RBM6: variants seen among roughly 807,000 people sequenced by gnomAD.
RBM6 encodes RNA binding motif protein 6.
A neutral mutation model predicts 140.4 loss-of-function variants in RBM6; 23 were observed. The observed-to-expected ratio is 0.16, with a 90% confidence interval of 0.12 to 0.23. RBM6 has a LOEUF of 0.23. Among genes scored for constraint, RBM6 ranks in the 10% least tolerant of loss-of-function variants. The probability of loss-of-function intolerance (pLI) is 1.00; values close to 1 mark genes in which losing one functional copy is unlikely to be tolerated. For synonymous variants in RBM6, 439 were observed against 475.6 expected (o/e 0.92, Z 1.00); for missense variants, 1,139 against 1,386.7 (o/e 0.82, Z 2.84).
chr3:50,021,740 CTTTTTTTTTTTTTTTTTT>C (rs542734328), intron 6 of RBM6, among the ~76,000 whole-genome samples: 1 of 42,732 alleles, frequency 2.3e-5, no homozygotes, highest in Non-Finnish European at 4.1e-5. Flanking sequence ...AATTTAAGTG[CTTTTTTTTTTTTTTTTTT>C]TTTTTTTTTT....
intron 6 of RBM6, among the ~76,000 whole-genome samples, chr3:50,045,897 G>A (rs1166968974): frequency 6.6e-6 from 1 of 152,150 alleles, no homozygotes; most frequent in Non-Finnish European, 1.5e-5. Flanking sequence ...CCTTGCTGAA[G>A]GTCATGGAGT....
At chr3:50,073,907 T>A (rs1212983077) in intron 19 of RBM6, among the ~76,000 whole-genome samples, 1 of 151,470 alleles carries the variant, frequency 6.6e-6, no homozygotes, top group African/African-American at 2.4e-5. Context: ...TGGAGTGCAA[T>A]GGCACGATCT....
At chr3:50,039,260 A>G (rs2088725322) in intron 6 of RBM6, among the ~76,000 whole-genome samples, 1 of 152,090 alleles carries the variant, frequency 6.6e-6, no homozygotes, top group African/African-American at 2.4e-5. Flanking sequence ...TTATTTTGAG[A>G]TGGAGTCTCG....
At chr3:50,015,987 G>T (rs1450360322) in intron 6 of RBM6, among the ~76,000 whole-genome samples, 2 of 152,108 alleles carry the variant, frequency 1.3e-5, no homozygotes, top group Non-Finnish European at 2.9e-5. Flanking sequence ...ACAATACATT[G>T]TTATTAACTA....
At position 50,075,245 on chromosome 3, in the gene RBM6, A is replaced by C; in HGVS notation, c.3161A>C (p.Lys1054Thr). The C allele has an allele frequency of 6.2e-7, 1 of 1,614,164 alleles. No homozygotes were observed. The highest frequency in any genetic ancestry group is 2.2e-5 in the East Asian group (1 of 44,892). Residue 1054 changes from lysine (K) to threonine (T), a missense_variant, in exon 20 of 21, where the codon AAA (lysine) becomes ACA (threonine). This residue lies in a region of RBM6 where 125 missense variants were observed against 142.0 expected (regional missense o/e 0.88). Transcript: ENST00000266022. Reference sequence around the variant, plus strand: ...AAAGAAGATATCGACACTAGCAGCAAAGGAGGCTGTGTCCAACAGGCTACT... The same window carrying C: ...AAAGAAGATATCGACACTAGCAGCACAGGAGGCTGTGTCCAACAGGCTACT... ...VDKEDIDTSS[K>T]GGCVQQATGW...
rs2084613156 is a variant in RBM6, at chr3:49,968,489, C to G, written c.1064C>G (p.Ala355Gly). The part of the protein sequence containing the change: ...QGVAFEHESP[A>G]DFQNSQSPVQ... ...GTAGCCTTTGAACATGAGTCTCCAGCAGACTTTCAGAACAGCCAAAGTCCA... is the reference window on the plus strand; with the variant it reads ...GTAGCCTTTGAACATGAGTCTCCAGGAGACTTTCAGAACAGCCAAAGTCCA... Residue 355 changes from alanine to glycine, a missense_variant, in exon 3 of 21, where the codon GCA becomes GGA. Ala to Gly is a moderately conservative substitution (Grantham distance 60). Transcript: ENST00000266022. The G allele has an allele frequency of 1.2e-6, 2 of 1,614,022 alleles. No homozygotes were observed. The highest frequency in any genetic ancestry group is 2.7e-5 in the African/African-American group (2 of 74,920).
At chr3:50,017,126 C>T (rs989942328) in intron 6 of RBM6, among the ~76,000 whole-genome samples, 1 of 152,004 alleles carries the variant, frequency 6.6e-6, no homozygotes, top group Non-Finnish European at 1.5e-5. Flanking sequence ...ATGCCCAGCT[C>T]CTTATGGTTT....
rs1319225408 is a variant in RBM6 at position 50,057,951 on chromosome 3, C to T, written c.1917C>T (p.Asp639=). 1.2e-6 allele frequency: 2 copies of T among 1,614,084 alleles called. No homozygotes were observed. Among genetic ancestry groups the T allele is most frequent in the Admixed American group, 3.3e-5 (2 of 59,992 alleles). ...SRREGPTFRR[D]RERESWSGET... ...GGGAAGGGCCAACTTTCCGAAGAGA[C>T]CGAGAGAGGGAGTCATGGTCTGGAG... Residue 639 remains aspartate (D), a synonymous_variant, in exon 9 of 21, where the codon GAC becomes GAT. Transcript: ENST00000266022.
chr3:50,043,498 AAG>A (rs970707201), intron 6 of RBM6, among the ~76,000 whole-genome samples: 2 of 149,980 alleles, frequency 1.3e-5, no homozygotes, highest in African/African-American at 2.5e-5. Context: ...AAAAAAAAAA[AAG>A]AGAGATCTAT....
chr3:49,990,678 C>T (rs565418607), intron 5 of RBM6, among the ~76,000 whole-genome samples: 12 of 152,086 alleles, frequency 7.9e-5, no homozygotes, highest in Admixed American at 5.2e-4. Context: ...GTGGGGGAAA[C>T]CTTAACTAAG....
intron 15 of RBM6, 119 bp downstream of exon 15, chr3:50,062,227 G>A (rs536595256): frequency 5.7e-6 from 7 of 1,225,232 alleles, no homozygotes; most frequent in African/African-American, 4.6e-5. Flanking sequence ...TCTGTCAGCC[G>A]GGCGTGGTGG....
chr3:49,942,647 C>T lies in RBM6; in HGVS notation c.-67+2422C>T, dbSNP rs947268938. Among the ~76,000 whole-genome samples, 35 of 152,272 alleles carry T rather than the reference C, an allele frequency of 2.3e-4. 1 individual carries two copies. Among genetic ancestry groups the T allele is most frequent in the African/African-American group, 7.5e-4 (31 of 41,566 alleles). On this transcript the variant is annotated intron_variant, in intron 1 of 20. Transcript: ENST00000266022. The stretch of plus-strand genomic sequence containing the variant: ...GTGGCTCACGCCTGTAATCCCAGCA[C>T]TTTGGGAGGTCAACGTGGGCAGATC...
chr3:50,016,538 C>A (rs1451097667), intron 6 of RBM6, among the ~76,000 whole-genome samples: 1 of 151,600 alleles, frequency 6.6e-6, no homozygotes, highest in Non-Finnish European at 1.5e-5. Context: ...ATACAGTTTC[C>A]AAAATATCTG....
At chr3:49,941,907 A>G (rs1282020600) in intron 1 of RBM6, among the ~76,000 whole-genome samples, 2 of 149,782 alleles carry the variant, frequency 1.3e-5, no homozygotes, top group Non-Finnish European at 2.9e-5. Context: ...AGCCTGGGCA[A>G]CATCGCAAAA....
intron 5 of RBM6, among the ~76,000 whole-genome samples, chr3:49,984,302 C>CAAAAAAAAAAAAAAAAAAAAAAAA (rs2085445911): frequency 1.3e-5 from 2 of 151,370 alleles, no homozygotes. Context: ...GACCTTGTCT[C>CAAAAAAAAAAAAAAAAAAAAAAAA]AAAAAAATAA....
chr3:50,043,547 T>C (rs1450403375), intron 6 of RBM6, among the ~76,000 whole-genome samples: 1 of 150,804 alleles, frequency 6.6e-6, no homozygotes, highest in Non-Finnish European at 1.5e-5. Flanking sequence ...TATACATACA[T>C]ACATACATAT....
intron 16 of RBM6, 44 bp from the exon 17 acceptor site, chr3:50,066,198 A>G (rs2090114754): frequency 1.3e-6 from 2 of 1,557,666 alleles, no homozygotes; most frequent in Non-Finnish European, 1.7e-6. Context: ...GGACCCCAAA[A>G]TATAGGTTGA....
intron 6 of RBM6, among the ~76,000 whole-genome samples, chr3:50,020,321 T>C (rs2087410720): frequency 6.6e-6 from 1 of 152,210 alleles, no homozygotes; most frequent in South Asian, 2.1e-4. Context: ...AACCAACTTT[T>C]GGTTTCACTG....
Position 50,066,472 on chromosome 3 carries a change from C to G in RBM6, c.2913C>G (p.Ile971Met). ...RRQFPNKEVL[I>M]KHQQLSDLHK... ...AGTTTCCCAATAAAGAAGTTCTGAT[C>G]AAACACCAGCAGCTGTCAGACCTGC... Residue 971 changes from isoleucine (I) to methionine (M), a missense_variant, in exon 17 of 21, where the codon ATC (isoleucine) becomes ATG (methionine). This residue lies in a region of RBM6 where 40 missense variants were observed against 80.1 expected (regional missense o/e 0.50). Transcript: ENST00000266022. 1.2e-6 allele frequency: 2 copies of G among 1,613,652 alleles called. No individual in the cohort carries two copies. Among genetic ancestry groups the G allele is most frequent in the Non-Finnish European group, 1.7e-6 (2 of 1,180,012 alleles).
Sources: gnomAD v4.1 joint callset for allele counts (sites outside exome capture counted in the v4.1 genomes callset) on GRCh38, gnomAD v4.1.1 for gene constraint, gnomAD v4.1.1 regional missense constraint, MANE v1.5 for transcripts, NCBI Gene and HGNC (gene_info 2026-07-23, HGNC 2026-07-21) for gene names.